The following DCLK1 variants were observed in gnomAD, a reference collection of about 807,000 sequenced individuals.
DCLK1 encodes the protein doublecortin like kinase 1, also known as serine/threonine-protein kinase DCLK1.
A neutral mutation model predicts 86.2 loss-of-function variants in DCLK1; 16 were observed. The observed-to-expected ratio is 0.19, with a 90% CI of 0.13 to 0.28. DCLK1 has a LOEUF of 0.28. Among genes scored for constraint, DCLK1 ranks in the 10% least tolerant of loss-of-function variants. The pLI, the probability that DCLK1 is intolerant of heterozygous loss-of-function variation, is 1.00. For synonymous variants in DCLK1, 369 were observed against 370.5 expected (o/e 1.00, Z 0.05); for missense variants, 590 against 940.2 (o/e 0.63, Z 4.87).
chr13:35,912,798 T>C (rs1338214462), intron 4 of DCLK1, among the ~76,000 whole-genome samples: 1 of 152,076 alleles, frequency 6.6e-6, no homozygotes, highest in Non-Finnish European at 1.5e-5. Flanking sequence ...TCCCACACTA[T>C]GAGGCAAGTC....
chr13:35,896,735 CA>C (rs1438845938), intron 4 of DCLK1, among the ~76,000 whole-genome samples: 2 of 152,050 alleles, frequency 1.3e-5, no homozygotes, highest in Non-Finnish European at 2.9e-5. Flanking sequence ...GAAGAGGACG[CA>C]GTCCCTACCT....
At chr13:36,107,878 G>A (rs547597683) in intron 3 of DCLK1, among the ~76,000 whole-genome samples, 38 of 152,236 alleles carry the variant, frequency 2.5e-4, no homozygotes, top group African/African-American at 9.1e-4. Context: ...GGGAGTAACT[G>A]CTTGGCAGGT....
intron 3 of DCLK1, among the ~76,000 whole-genome samples, chr13:35,999,402 C>T (rs904184555): frequency 2.6e-5 from 4 of 152,180 alleles, no homozygotes; most frequent in African/African-American, 9.6e-5. Flanking sequence ...TCCTAAGTTT[C>T]CAAAAGTTTG....
In DCLK1 at chr13:35,884,203, A is replaced by G. The variant is rs78161690; in HGVS notation, c.824-12863T>C. ...AGTAATTGTGCAATGTGCCACTTGG[A>G]AAAAAAAAAGACTAAACTAAAAGCA... On this transcript the variant is annotated intron_variant, in intron 4 of 16. Transcript: ENST00000360631. Among the ~76,000 whole-genome samples, 23 of 149,612 alleles carry G rather than the reference A, an allele frequency of 1.5e-4. No homozygotes were observed. In the South Asian group the frequency reaches 4.0e-3, roughly 26 times the overall value.
intron 3 of DCLK1, among the ~76,000 whole-genome samples, chr13:36,049,803 A>G (rs1342373017): frequency 6.6e-6 from 1 of 152,198 alleles, no homozygotes; most frequent in African/African-American, 2.4e-5. Context: ...AAGTAACAAT[A>G]ACAGTGGAGT....
intron 3 of DCLK1, among the ~76,000 whole-genome samples, chr13:36,054,898 A>G (rs1182614752): frequency 6.6e-6 from 1 of 152,170 alleles, no homozygotes; most frequent in Non-Finnish European, 1.5e-5. Flanking sequence ...TTGCCACTAC[A>G]TAAAAAGTAG....
At chr13:35,917,288 C>G (rs1242449862) in intron 4 of DCLK1, among the ~76,000 whole-genome samples, 1 of 152,238 alleles carries the variant, frequency 6.6e-6, no homozygotes, top group Non-Finnish European at 1.5e-5. Context: ...AGCCATGAAT[C>G]TACAATTGGA....
rs767586545 is a variant in DCLK1, at chr13:35,836,083, T to G, written c.1179A>C (p.Gly393=). ...CAAAATTTCCATCTCCTATTGTTCTTCCGACTTTATATCGTTCTGTTATTG... is the reference window on the plus strand; with the variant it reads ...CAAAATTTCCATCTCCTATTGTTCTGCCGACTTTATATCGTTCTGTTATTG... ...PATITERYKV[G]RTIGDGNFAV... is the part of the protein sequence containing the mutation. The change falls in exon 8 of 17, where the codon GGA becomes GGC. Residue 393 remains glycine (G), a synonymous_variant. Coordinates refer to ENST00000360631, the MANE Select transcript of DCLK1 (RefSeq NM_001330071.2). 8.7e-6 allele frequency: 14 copies of G among 1,613,778 alleles called. No homozygotes were observed. The highest frequency in any genetic ancestry group is 1.1e-5 in the Non-Finnish European group (13 of 1,179,966).
chr13:35,791,181 T>C (rs753421152), intron 16 of DCLK1, among the ~76,000 whole-genome samples: 1 of 151,734 alleles, frequency 6.6e-6, no homozygotes, highest in African/African-American at 2.4e-5. Context: ...ATAGTTAACA[T>C]ATGAATTGTG....
chr13:35,926,871 G>C (rs1384354839), intron 4 of DCLK1, among the ~76,000 whole-genome samples: 1 of 152,182 alleles, frequency 6.6e-6, no homozygotes, highest in African/African-American at 2.4e-5. Flanking sequence ...TGGGACCCAT[G>C]ACCCCCATCT....
At chr13:36,053,908 C>G (rs1331410237) in intron 3 of DCLK1, among the ~76,000 whole-genome samples, 1 of 152,004 alleles carries the variant, frequency 6.6e-6, no homozygotes, top group African/African-American at 2.4e-5. Context: ...AGGAAGCTAC[C>G]TGACACAAAG....
At chr13:35,843,240 G>C (rs1212056580) in intron 6 of DCLK1, among the ~76,000 whole-genome samples, 1 of 152,186 alleles carries the variant, frequency 6.6e-6, no homozygotes, top group East Asian at 1.9e-4. Flanking sequence ...AAAACGTACA[G>C]TTATTTTAGA....
intron 4 of DCLK1, among the ~76,000 whole-genome samples, chr13:35,918,419 T>G (rs1479917752): frequency 6.6e-6 from 1 of 152,160 alleles, no homozygotes; most frequent in Non-Finnish European, 1.5e-5. Flanking sequence ...TATGTGACCA[T>G]GGAGAGTGTT....
At chr13:36,006,153 G>C (rs1880945805) in intron 3 of DCLK1, among the ~76,000 whole-genome samples, 1 of 152,164 alleles carries the variant, frequency 6.6e-6, no homozygotes, top group Admixed American at 6.5e-5. Flanking sequence ...TGCACATTCA[G>C]CACACGTATC....
chr13:36,090,749 G>T (rs1453971497), intron 3 of DCLK1, among the ~76,000 whole-genome samples: 2 of 151,872 alleles, frequency 1.3e-5, no homozygotes, highest in Non-Finnish European at 2.9e-5. Flanking sequence ...CACTGGATAC[G>T]GGGGCGAATG....
chr13:35,878,501 T>C (rs1191857584), intron 4 of DCLK1, among the ~76,000 whole-genome samples: 4 of 151,940 alleles, frequency 2.6e-5, no homozygotes, highest in Non-Finnish European at 5.9e-5. Flanking sequence ...AAAATACAGC[T>C]TTTAAAAACA....
intron 3 of DCLK1, among the ~76,000 whole-genome samples, chr13:35,978,229 C>T (rs1260926849): frequency 1.6e-4 from 15 of 92,092 alleles, no homozygotes; most frequent in Admixed American, 3.2e-4. Flanking sequence ...TTTTTTTTGA[C>T]GGAGTCTCAC....
intron 3 of DCLK1, among the ~76,000 whole-genome samples, chr13:36,049,722 A>C (rs1206533215): frequency 6.6e-6 from 1 of 152,190 alleles, no homozygotes; most frequent in Non-Finnish European, 1.5e-5. Context: ...TCATATTTGC[A>C]GTTTTGCAAG....
At chr13:35,816,470 A>G (rs986423688) in intron 11 of DCLK1, among the ~76,000 whole-genome samples, 1 of 152,180 alleles carries the variant, frequency 6.6e-6, no homozygotes, top group Non-Finnish European at 1.5e-5. Flanking sequence ...TAATCCCAAC[A>G]GTTACTATTA....
Sources: allele counts gnomAD v4.1 joint callset (sites outside exome capture counted in the v4.1 genomes callset), GRCh38; gene constraint gnomAD v4.1.1; transcripts MANE v1.5; gene names NCBI Gene and HGNC (gene_info 2026-07-23, HGNC 2026-07-21).